The following LRRD1 variants were observed in gnomAD, a reference collection of about 807,000 sequenced individuals.
LRRD1 encodes the protein leucine rich repeats and death domain containing 1.
Under a neutral mutation model 69.5 loss-of-function variants are expected in LRRD1, and 49 were observed. The observed-to-expected ratio is 0.70, with a 90% CI of 0.56 to 0.89. LRRD1 has a LOEUF of 0.89. Among genes scored for constraint, LRRD1 ranks in the 40% least tolerant of loss-of-function variants. The pLI, the probability that LRRD1 is intolerant of heterozygous loss-of-function variation, is 0.00. For synonymous variants in LRRD1, 303 were observed against 338.9 expected (o/e 0.89, Z 1.16); for missense variants, 853 against 956.0 (o/e 0.89, Z 1.42).
chr7:92,150,817 A>T, intron 3 of LRRD1, 122 bp from the exon 4 acceptor site: 1 of 672,974 alleles, frequency 1.5e-6, no homozygotes, highest in Non-Finnish European at 2.4e-6. Flanking sequence ...AGCAGGTCAT[A>T]AATTATTTCT....
intron 4 of LRRD1, among the ~76,000 whole-genome samples, chr7:92,148,979 C>A (rs1563188582): frequency 6.6e-6 from 1 of 152,102 alleles, no homozygotes; most frequent in Non-Finnish European, 1.5e-5. Context: ...GAACTCGTGA[C>A]CTCGTGATTC....
intron 3 of LRRD1, among the ~76,000 whole-genome samples, chr7:92,154,058 G>T (rs541043773): frequency 7.2e-4 from 109 of 151,746 alleles, no homozygotes; most frequent in Admixed American, 2.2e-3. Flanking sequence ...GGCTGGTCTC[G>T]AACTCCTGAC....
At chr7:92,175,052 T>A (rs2131027592) in intron 1 of LRRD1, among the ~76,000 whole-genome samples, 1 of 151,846 alleles carries the variant, frequency 6.6e-6, no homozygotes, top group East Asian at 2.0e-4. Context: ...GCAACAAGAG[T>A]GAAATTCCAT....
chr7:92,145,126 T>TAA, intron 5 of LRRD1, 52 bp from the exon 6 acceptor site: 1 of 909,394 alleles, frequency 1.1e-6, no homozygotes, highest in Non-Finnish European at 1.5e-6. Flanking sequence ...TAACGTTTAA[T>TAA]ATATTTAAAT....
downstream of LRRD1, chr7:92,142,923 C>T (rs768371875): frequency 1.1e-4 from 34 of 317,804 alleles, no homozygotes; most frequent in Non-Finnish European, 2.0e-4. Flanking sequence ...AACAATGCTT[C>T]CGCAGTGTGG....
chr7:92,148,246 A>G (rs894248929), intron 4 of LRRD1, among the ~76,000 whole-genome samples: 6 of 152,200 alleles, frequency 3.9e-5, no homozygotes, highest in Admixed American at 3.3e-4. Flanking sequence ...ATCTTAGCCA[A>G]AAGGCCGAGA....
Position 92,165,261 on chromosome 7 carries a change from G to GT in LRRD1, c.-60dup. On this transcript the variant is annotated 5_prime_UTR_variant, in exon 2 of 6. Transcript: ENST00000458448. ...ATTGTAACTTGATTTTAATTTTCAT[G>GT]TTTTTTCCTTTGAATCTACAAAACA... The GT allele has an allele frequency of 9.5e-6, 10 of 1,048,182 alleles. No homozygotes were observed. The highest frequency in any genetic ancestry group is 1.2e-5 in the Non-Finnish European group (9 of 781,750). The allele number at this position is 1,048,182 out of a possible 1,614,324, so 64.9% of individuals were successfully genotyped here. A position where few individuals can be genotyped will look rare whatever the true frequency, so the allele number is the denominator to read the frequency against.
chr7:92,164,699 A>G lies in LRRD1; in HGVS notation c.504T>C (p.Tyr168=), dbSNP rs1274580045. The G allele has an allele frequency of 6.4e-7, 1 of 1,550,424 alleles. No homozygotes were observed. Among genetic ancestry groups the G allele is most frequent in the Non-Finnish European group, 8.7e-7 (1 of 1,146,264 alleles). Reference sequence around the variant, plus strand: ...TGATTTGATTCTTGTCTAAATATAGATATTTTACATATTTGATTTTTAAAA... The same window carrying G: ...TGATTTGATTCTTGTCTAAATATAGGTATTTTACATATTTGATTTTTAAAA... ...KDILKIKYVK[Y]LYLDKNQIKT... Residue 168 remains tyrosine, a synonymous_variant, in exon 2 of 6, where the codon TAT becomes TAC. Coordinates refer to ENST00000458448, the MANE Select transcript of LRRD1 (RefSeq NM_001161528.2).
intron 3 of LRRD1, among the ~76,000 whole-genome samples, chr7:92,155,105 C>A (rs2130993565): frequency 6.6e-6 from 1 of 152,290 alleles, no homozygotes; most frequent in Non-Finnish European, 1.5e-5. Context: ...TCTTTTCTTT[C>A]CAAGTTGAGA....
chr7:92,147,855 G>T (rs550320692), intron 4 of LRRD1, among the ~76,000 whole-genome samples: 1 of 152,056 alleles, frequency 6.6e-6, no homozygotes, highest in Non-Finnish European at 1.5e-5. Context: ...CTTCACCCCC[G>T]CAAGTAGCTG....
At chr7:92,143,482 C>T (rs1358336131), downstream of LRRD1, among the ~76,000 whole-genome samples, 4 of 152,168 alleles carry the variant, frequency 2.6e-5, no homozygotes, top group African/African-American at 9.7e-5. Context: ...GAGGCTCGGG[C>T]ATGGTGGGCT....
chr7:92,167,812 G>A lies in LRRD1; in HGVS notation c.-74-2536C>T, dbSNP rs2131014362. Among the ~76,000 whole-genome samples the A allele has an allele frequency of 2.2e-5, 3 of 139,044 alleles. No individual in the cohort carries two copies. The South Asian group carries it at 7.0e-4, about 32-fold the overall frequency. 91.2% of individuals were successfully genotyped at this position (139,044 alleles called of 152,430 possible). The stretch of plus-strand genomic sequence containing the variant: ...GAACGGCATGAACCCGGGAGGCGGA[G>A]CTTGCAGTGAACCGAGATGGCGCCA... On this transcript the variant is annotated intron_variant, in intron 1 of 5. Transcript: ENST00000458448.
At chr7:92,149,656 A>C (rs1820415840) in intron 4 of LRRD1, among the ~76,000 whole-genome samples, 1 of 152,220 alleles carries the variant, frequency 6.6e-6, no homozygotes, top group African/African-American at 2.4e-5. Context: ...ACTGACTGCC[A>C]TCAGTGGAAT....
chr7:92,150,045 G>A, intron 4 of LRRD1: 2 of 310,518 alleles, frequency 6.4e-6, no homozygotes, highest in Non-Finnish European at 6.7e-6. Flanking sequence ...GTGTGGACCT[G>A]GATTACGTAA....
chr7:92,155,641 G>A (rs887510383), intron 3 of LRRD1, among the ~76,000 whole-genome samples: 2 of 152,154 alleles, frequency 1.3e-5, no homozygotes, highest in East Asian at 1.9e-4. Context: ...TTATTAAGGA[G>A]TATTGACTCA....
chr7:92,142,688 G>A, downstream of LRRD1: 1 of 404,232 alleles, frequency 2.5e-6, no homozygotes, highest in Non-Finnish European at 4.9e-6. Flanking sequence ...TCCTTCTGGT[G>A]GGATCGTGGT....
intron 3 of LRRD1, among the ~76,000 whole-genome samples, chr7:92,151,456 A>G (rs1286291678): frequency 6.6e-6 from 1 of 152,220 alleles, no homozygotes; most frequent in East Asian, 1.9e-4. Flanking sequence ...GCATGACATC[A>G]CTAATGATGT....
intron 3 of LRRD1, among the ~76,000 whole-genome samples, chr7:92,156,909 CA>C (rs1354427632): frequency 1.3e-5 from 2 of 151,874 alleles, no homozygotes; most frequent in Non-Finnish European, 1.5e-5. Flanking sequence ...AGGAGTTTTG[CA>C]GATGTATTTT....
intron 3 of LRRD1, among the ~76,000 whole-genome samples, chr7:92,155,682 C>T (rs1788640481): frequency 6.6e-6 from 1 of 152,114 alleles, no homozygotes; most frequent in Admixed American, 6.5e-5. Flanking sequence ...CTGCAATGGG[C>T]CATCTGCAAG....
Sources: gnomAD v4.1 joint callset for allele counts (sites outside exome capture counted in the v4.1 genomes callset) on GRCh38, gnomAD v4.1.1 for gene constraint, MANE v1.5 for transcripts, NCBI Gene and HGNC (gene_info 2026-07-23, HGNC 2026-07-21) for gene names.